Variants in SMC6 observed in about 807,000 individuals in gnomAD.
SMC6 encodes structural maintenance of chromosomes 6, also known as structural maintenance of chromosomes protein 6.
SMC6 carries 79 observed loss-of-function variants against 142.2 expected under a neutral mutation model. The observed-to-expected ratio is 0.56, with a 90% confidence interval of 0.46 to 0.67. The LOEUF (loss-of-function observed/expected upper bound fraction) is 0.67, where lower values mean the gene tolerates loss of function less well. SMC6 is among the 30% of genes least tolerant of loss of function. SMC6 has a pLI of 0.00. For missense variants in SMC6, 1,072 were observed against 1,284.0 expected, an observed-to-expected ratio of 0.83 and a Z score of 2.52; for synonymous variants, 411 against 412.4, an observed-to-expected ratio of 1.00 and a Z score of 0.04.
At chr2:17,727,360 C>T (rs1053194925) in intron 7 of SMC6, among the ~76,000 whole-genome samples, 1 of 152,150 alleles carries the variant, frequency 6.6e-6, no homozygotes, top group Non-Finnish European at 1.5e-5. Context: ...CATCTTTCTC[C>T]AAAACTGTAT....
rs75306114 is a variant in SMC6 at position 17,729,343 on chromosome 2, C to A, written c.543+1735G>T. 4.7e-3 allele frequency among the ~76,000 whole-genome samples: 720 copies of A among 152,220 alleles called. 4 individuals are homozygous for A. The highest frequency in any genetic ancestry group is 0.016 in the African/African-American group (668 of 41,522). ...TTTGTTATGCATTAAGTAAACCATG[C>A]AAGAAAAGGACTAGGAATCTTTAAA... On this transcript the variant is annotated intron_variant, in intron 7 of 27. Coordinates refer to ENST00000448223, the MANE Select transcript of SMC6 (RefSeq NM_001142286.2).
intron 23 of SMC6, among the ~76,000 whole-genome samples, chr2:17,691,019 GCAA>G (rs1264840816): frequency 6.6e-6 from 1 of 151,090 alleles, no homozygotes; most frequent in East Asian, 2.0e-4. Flanking sequence ...TCCACCATTT[GCAA>G]CAACAAAAGA....
At chr2:17,690,391 G>A (rs758917661) in intron 23 of SMC6, among the ~76,000 whole-genome samples, 10 of 152,168 alleles carry the variant, frequency 6.6e-5, no homozygotes, top group Admixed American at 1.3e-4. Flanking sequence ...TGAGGAGTTC[G>A]AGACCTGCCT....
At chr2:17,666,616 C>G (rs943667173) in intron 26 of SMC6, 99 bp from the exon 27 acceptor site, 1 of 803,788 alleles carries the variant, frequency 1.2e-6, no homozygotes, top group African/African-American at 1.7e-5. Context: ...GATTTTCATC[C>G]AGGGATCAGT....
chr2:17,710,334 CG>C (rs1171764879), intron 16 of SMC6, among the ~76,000 whole-genome samples: 2 of 152,062 alleles, frequency 1.3e-5, no homozygotes, highest in African/African-American at 2.4e-5. Context: ...GGGTGGAAAT[CG>C]GGAGTATGGC....
At chr2:17,678,508 C>A (rs556813484) in intron 25 of SMC6, among the ~76,000 whole-genome samples, 1 of 151,742 alleles carries the variant, frequency 6.6e-6, no homozygotes, top group Admixed American at 6.6e-5. Context: ...TGGCTCACAC[C>A]GATAATCCCA....
chr2:17,709,916 C>G (rs1668740486), intron 16 of SMC6, among the ~76,000 whole-genome samples: 1 of 152,182 alleles, frequency 6.6e-6, no homozygotes, highest in Non-Finnish European at 1.5e-5. Flanking sequence ...AGCAAGGAGA[C>G]AGATTGCCAC....
intron 25 of SMC6, among the ~76,000 whole-genome samples, chr2:17,674,097 T>C (rs919637064): frequency 6.6e-6 from 1 of 152,134 alleles, no homozygotes; most frequent in Non-Finnish European, 1.5e-5. Flanking sequence ...TTCTCTCTAC[T>C]TGAATTTATA....
At chr2:17,683,235 GA>G in intron 24 of SMC6, among the ~76,000 whole-genome samples, 1 of 152,102 alleles carries the variant, frequency 6.6e-6, no homozygotes, top group Admixed American at 6.6e-5. Flanking sequence ...AAACAAAACA[GA>G]GTTTCTACAT....
chr2:17,708,084 G>A (rs1005962721), intron 17 of SMC6, among the ~76,000 whole-genome samples: 1 of 151,618 alleles, frequency 6.6e-6, no homozygotes, highest in South Asian at 2.1e-4. Flanking sequence ...CTTTTGTCTT[G>A]ATTACAGATT....
At chr2:17,681,011 A>G (rs1667216768) in intron 24 of SMC6, 1 of 152,160 alleles carries the variant, frequency 6.6e-6, no homozygotes, top group East Asian at 1.9e-4. Flanking sequence ...TTGAAAATCC[A>G]TTGTTTAGTG....
At chr2:17,693,033 G>A (rs1006832767) in intron 23 of SMC6, among the ~76,000 whole-genome samples, 3 of 152,118 alleles carry the variant, frequency 2.0e-5, no homozygotes, top group Admixed American at 6.5e-5. Context: ...TTAGAATGGC[G>A]ATCATTAACA....
intron 7 of SMC6, among the ~76,000 whole-genome samples, chr2:17,727,526 T>TATAC (rs1669690709): frequency 9.7e-6 from 1 of 102,866 alleles, no homozygotes; most frequent in African/African-American, 3.1e-5. Flanking sequence ...TATATATATA[T>TATAC]ACACACACAC....
intron 23 of SMC6, among the ~76,000 whole-genome samples, chr2:17,692,561 T>C (rs1423420743): frequency 1.3e-5 from 2 of 152,160 alleles, no homozygotes; most frequent in African/African-American, 2.4e-5. Flanking sequence ...TAATTCAAGA[T>C]GGATTAAAGA....
chr2:17,707,629 T>C lies in SMC6; in HGVS notation c.1846-250A>G, dbSNP rs1414109878. Among the ~76,000 whole-genome samples the C allele has an allele frequency of 2.6e-5, 4 of 152,108 alleles. No homozygotes were observed. The South Asian group carries it at 8.3e-4, about 31-fold the overall frequency. The stretch of plus-strand genomic sequence containing the variant: ...TTCATGACAAATTGGTGTATATTTA[T>C]TTTTAAATTCACATATTGCTATCTA... On this transcript the variant is annotated intron_variant, in intron 17 of 27. Coordinates refer to ENST00000448223, the MANE Select transcript of SMC6 (RefSeq NM_001142286.2).
chr2:17,695,182 G>C lies in SMC6; in HGVS notation c.2648C>G (p.Ala883Gly). ...RLRQKIQAEHASHGDREEIMR... is the reference protein window; with the variant it reads ...RLRQKIQAEHGSHGDREEIMR... ...TATTTCCTCTCGATCTCCATGACTA[G>C]CATGTTCTGCCTGTATCTTCTGCCT... The change falls in exon 23 of 28, where the codon GCT becomes GGT. Residue 883 changes from alanine to glycine, a missense_variant. Ala to Gly is a moderately conservative substitution (Grantham distance 60, BLOSUM62 0). Coordinates refer to ENST00000448223, the MANE Select transcript of SMC6 (RefSeq NM_001142286.2). 1 of 1,613,416 alleles carries C rather than the reference G, an allele frequency of 6.2e-7. No individual in the cohort carries two copies. Among genetic ancestry groups the C allele is most frequent in the Non-Finnish European group, 8.5e-7 (1 of 1,179,770 alleles).
At chr2:17,667,384 A>AT (rs1378287281) in intron 26 of SMC6, among the ~76,000 whole-genome samples, 1 of 152,242 alleles carries the variant, frequency 6.6e-6, no homozygotes, top group African/African-American at 2.4e-5. Flanking sequence ...TAGACAAAGA[A>AT]TAATGCTTCG....
chr2:17,694,398 A>T (rs1026098892), intron 23 of SMC6, among the ~76,000 whole-genome samples: 5 of 152,240 alleles, frequency 3.3e-5, no homozygotes, highest in African/African-American at 1.2e-4. Context: ...CTCTGATTTG[A>T]TCATTACACA....
Position 17,700,230 on chromosome 2 carries a change from G to A in SMC6, c.2372C>T (p.Ser791Leu), listed in dbSNP as rs769793573. The change falls in exon 21 of 28, where the codon TCG becomes TTG. Residue 791 changes from serine to leucine, a missense_variant. By Grantham distance (145) the Ser-to-Leu change is moderately radical. Around this residue, in one of 3 missense-constraint regions of SMC6, gnomAD observed 994 missense variants for 1,153.2 expected, o/e 0.86. Transcript: ENST00000448223. ...TACCTTAAGTGGGTCTGCTAGCTCCGATAGTTGATTAATTTTGAATTTAAT... is the reference window on the plus strand; with the variant it reads ...TACCTTAAGTGGGTCTGCTAGCTCCAATAGTTGATTAATTTTGAATTTAAT... The part of the protein sequence containing the change: ...DAIKFKINQL[S>L]ELADPLKDEL... 1.4e-5 allele frequency: 22 copies of A among 1,605,982 alleles called. No individual in the cohort carries two copies. Among genetic ancestry groups the A allele is most frequent in the East Asian group, 9.0e-5 (4 of 44,600 alleles).
Sources: allele counts gnomAD v4.1 joint callset (sites outside exome capture counted in the v4.1 genomes callset), GRCh38; gene constraint gnomAD v4.1.1; regional missense constraint gnomAD v4.1.1; transcripts MANE v1.5; gene names NCBI Gene and HGNC (gene_info 2026-07-23, HGNC 2026-07-21).